FAM234B: variants seen among roughly 807,000 people sequenced by gnomAD.
FAM234B encodes the protein protein FAM234B.
Under a neutral mutation model 69.3 loss-of-function variants are expected in FAM234B, and 33 were observed. The observed-to-expected ratio is 0.48, with a 90% CI of 0.36 to 0.64. FAM234B has a LOEUF of 0.64. FAM234B is among the 30% of genes least tolerant of loss of function. The pLI is 0.00. For synonymous variants in FAM234B, 306 were observed against 306.9 expected, an observed-to-expected ratio of 1.00 and a Z score of 0.03; for missense variants, 697 against 769.7, an observed-to-expected ratio of 0.91 and a Z score of 1.12.
At chr12:13,057,501 G>C (rs1218777588) in intron 2 of FAM234B, among the ~76,000 whole-genome samples, 1 of 151,042 alleles carries the variant, frequency 6.6e-6, no homozygotes, top group Non-Finnish European at 1.5e-5. Flanking sequence ...GAACATTTTT[G>C]TATATGTTTC....
chr12:13,054,746 G>A (rs1395769247), intron 1 of FAM234B, among the ~76,000 whole-genome samples: 1 of 152,186 alleles, frequency 6.6e-6, no homozygotes, highest in African/African-American at 2.4e-5. Flanking sequence ...AGGGGTGGGT[G>A]GCTTGGGAGG....
Position 13,074,025 on chromosome 12 carries a change from A to G in FAM234B, c.1525-2001A>G, listed in dbSNP as rs61912800. On this transcript the variant is annotated intron_variant, in intron 10 of 12. Transcript: ENST00000197268. ...CCAAAATTCACCACAAATTTGATGC[A>G]TGTTCTTGCTTCACCTTTTTGGCAG... Among the ~76,000 whole-genome samples the G allele has an allele frequency of 7.5e-3, 1,144 of 152,318 alleles. 8 individuals carry two copies. Among genetic ancestry groups the G allele is most frequent in the Non-Finnish European group, 0.012 (809 of 68,014 alleles).
chr12:13,056,895 A>G (rs1207202745), intron 2 of FAM234B, among the ~76,000 whole-genome samples: 3 of 151,612 alleles, frequency 2.0e-5, no homozygotes, highest in Non-Finnish European at 4.4e-5. Context: ...CCATGTCAAT[A>G]TGTACCCCTA....
At chr12:13,062,059 C>T (rs908268636) in intron 4 of FAM234B, 7 of 243,416 alleles carry the variant, frequency 2.9e-5, no homozygotes, top group African/African-American at 8.9e-5. Context: ...GTACAAAAGA[C>T]GACTGAACTT....
Position 13,061,686 on chromosome 12 carries a change from T to A in FAM234B, c.644T>A (p.Met215Lys). Reference sequence around the variant, plus strand: ...CGAGATATCACATGTTTGGAGCTGATGCCAGGAAGCTTGGCTGAAACCATC... The same window carrying A: ...CGAGATATCACATGTTTGGAGCTGAAGCCAGGAAGCTTGGCTGAAACCATC... Reference protein sequence around the residue: ...EARDITCLELMPGSLAETICL... With the variant: ...EARDITCLELKPGSLAETICL... Residue 215 changes from methionine to lysine, a missense_variant, in exon 4 of 13, where the codon ATG becomes AAG. Physicochemically the swap from Met to Lys is moderately conservative, Grantham distance 95. Transcript: ENST00000197268. 1 of 1,614,168 alleles carries A rather than the reference T, an allele frequency of 6.2e-7. No individual in the cohort carries two copies. The highest frequency in any genetic ancestry group is 8.5e-7 in the Non-Finnish European group (1 of 1,180,026).
intron 1 of FAM234B, among the ~76,000 whole-genome samples, chr12:13,049,476 G>C (rs981386855): frequency 6.6e-6 from 1 of 152,142 alleles, no homozygotes; most frequent in Non-Finnish European, 1.5e-5. Flanking sequence ...CAGCACCCCT[G>C]GTCTGAGATA....
chr12:13,065,740 G>A (rs1865029273), intron 5 of FAM234B, among the ~76,000 whole-genome samples: 1 of 152,078 alleles, frequency 6.6e-6, no homozygotes, highest in South Asian at 2.1e-4. Context: ...TGTTTAATAG[G>A]AATGGGGCAA....
chr12:13,077,382 C>T (rs1417796384), intron 11 of FAM234B, among the ~76,000 whole-genome samples: 18 of 149,326 alleles, frequency 1.2e-4, no homozygotes, highest in Non-Finnish European at 2.4e-4. Flanking sequence ...AACTCGTCAT[C>T]TAGCATTAGG....
chr12:13,077,151 G>GA (rs1565512854), intron 11 of FAM234B, among the ~76,000 whole-genome samples: 1 of 152,110 alleles, frequency 6.6e-6, no homozygotes, highest in Non-Finnish European at 1.5e-5. Context: ...GATTAGATCT[G>GA]AGTGAGCTGT....
chr12:13,068,452 G>T lies in FAM234B; in HGVS notation c.1286+5G>T, dbSNP rs374186983. On this transcript the variant is annotated splice_donor_5th_base_variant and intron_variant, in intron 8 of 12. Coordinates refer to ENST00000197268, the MANE Select transcript of FAM234B (RefSeq NM_020853.2). ...GAGACTTCAAGGCCTGCGCAGGTTTGCATTGTGTTCCTTCTTGTGTTTGCT... is the reference window on the plus strand; with the variant it reads ...GAGACTTCAAGGCCTGCGCAGGTTTTCATTGTGTTCCTTCTTGTGTTTGCT... 2 of 1,613,606 alleles carry T rather than the reference G, an allele frequency of 1.2e-6. No homozygotes were observed. Among genetic ancestry groups the T allele is most frequent in the Non-Finnish European group, 1.7e-6 (2 of 1,179,828 alleles).
In FAM234B at chr12:13,062,762, C is replaced by T. The variant is rs201561149; in HGVS notation, c.722-83C>T. The T allele has an allele frequency of 5.1e-5, 77 of 1,497,292 alleles. No individual in the cohort carries two copies. The East Asian group carries it at 1.5e-3, about 30-fold the overall frequency. 92.8% of individuals were successfully genotyped at this position (1,497,292 alleles called of 1,614,324 possible). A position where few individuals can be genotyped will look rare whatever the true frequency, so the allele number is the denominator to read the frequency against. ...CTGTTGTTCAGCCCCTTGCGTCTTTCTTTTCTGGCCTGGGAACATGGCATC... is the reference window on the plus strand; with the variant it reads ...CTGTTGTTCAGCCCCTTGCGTCTTTTTTTTCTGGCCTGGGAACATGGCATC... On this transcript the variant is annotated intron_variant, in intron 4 of 12. Transcript: ENST00000197268.
Position 13,068,431 on chromosome 12 carries a change from C to T in FAM234B, c.1270C>T (p.Leu424Phe). 6.2e-7 allele frequency: 1 copy of T among 1,614,152 alleles called. No homozygotes were observed. Among genetic ancestry groups the T allele is most frequent in the Non-Finnish European group, 8.5e-7 (1 of 1,180,016 alleles). The change falls in exon 8 of 13, where the codon CTT becomes TTT. Residue 424 changes from leucine to phenylalanine, a missense_variant. This residue lies in a region of FAM234B where 313 missense variants were observed against 305.5 expected (regional missense o/e 1.02). Coordinates refer to ENST00000197268, the MANE Select transcript of FAM234B (RefSeq NM_020853.2). The stretch of plus-strand genomic sequence containing the variant: ...TCTGACACCTTACTGGGCATTGAGA[C>T]TTCAAGGCCTGCGCAGGTTTGCATT... ...QNLTPYWALR[L>F]QGLRSQPTPG... is the part of the protein sequence containing the mutation.
At chr12:13,075,427 TC>T (rs1865147777) in intron 10 of FAM234B, among the ~76,000 whole-genome samples, 1 of 115,862 alleles carries the variant, frequency 8.6e-6, no homozygotes, top group African/African-American at 4.0e-5. Context: ...CCTTTTCTTT[TC>T]TTTTCTTTTT....
intron 11 of FAM234B, among the ~76,000 whole-genome samples, chr12:13,078,551 A>G (rs1414356359): frequency 2.0e-5 from 3 of 152,234 alleles, no homozygotes; most frequent in African/African-American, 7.2e-5. Flanking sequence ...CAGTTAGGCA[A>G]GAGAAGGAAA....
intron 9 of FAM234B, among the ~76,000 whole-genome samples, chr12:13,070,162 AT>A (rs1408921020): frequency 1.0e-4 from 13 of 130,148 alleles, no homozygotes; most frequent in South Asian, 7.6e-4. Flanking sequence ...AACTATAATA[AT>A]TAAAAAAAGA....
At position 13,082,589 on chromosome 12, in the gene FAM234B, TG is replaced by T. The variant is rs1333326905; in HGVS notation, c.*1960del. On this transcript the variant is annotated 3_prime_UTR_variant, in exon 13 of 13. Coordinates refer to ENST00000197268, the MANE Select transcript of FAM234B (RefSeq NM_020853.2). ...ATAATTTCTGGGATTTGAATCTACT[TG>T]AGTTTAAGGGCCTGGGACCTAATTT... 1 of 152,204 alleles carries T rather than the reference TG, an allele frequency of 6.6e-6. No homozygotes were observed. The highest frequency in any genetic ancestry group is 6.5e-5 in the Admixed American group (1 of 15,270). 9.4% of individuals were successfully genotyped at this position (152,204 alleles called of 1,614,324 possible).
intron 10 of FAM234B, 143 bp from the exon 11 acceptor site, chr12:13,075,883 C>T (rs1344811309): frequency 6.9e-6 from 5 of 721,392 alleles, no homozygotes; most frequent in Non-Finnish European, 1.3e-5. Context: ...TTCTTTCAAA[C>T]ACATTCTTGT....
At position 13,044,547 on chromosome 12, in the gene FAM234B, C is replaced by A; in HGVS notation, c.37+107C>A. The stretch of plus-strand genomic sequence containing the variant: ...TCGGGCCCTGGCCTCAACCCAGACT[C>A]AGCTGCAGGCGCCCGGTGCCGAGGA... On this transcript the variant is annotated intron_variant, in intron 1 of 12. Coordinates refer to ENST00000197268, the MANE Select transcript of FAM234B (RefSeq NM_020853.2). This position sits in a 1 kb window ranked among gnomAD's most constrained non-coding sequence, Gnocchi z 5.6. 1 of 1,231,962 alleles carries A rather than the reference C, an allele frequency of 8.1e-7. No individual in the cohort carries two copies. The highest frequency in any genetic ancestry group is 1.4e-5 in the South Asian group (1 of 73,902). The allele number at this position is 1,231,962 out of a possible 1,614,324, so 76.3% of individuals were successfully genotyped here.
rs951819305 is a variant in FAM234B, at chr12:13,083,204, C to T, written c.*2574C>T. The T allele has an allele frequency of 6.6e-6, 1 of 152,494 alleles. No individual in the cohort carries two copies. Among genetic ancestry groups the T allele is most frequent in the Admixed American group, 6.6e-5 (1 of 15,266 alleles). 9.4% of individuals were successfully genotyped at this position (152,494 alleles called of 1,614,324 possible). ...GCCGGCAAAGCCAATATGACCACTA[C>T]TGAGAAATAGTAATGACTTCTACAA... is the stretch of plus-strand genomic sequence containing the variant. On this transcript the variant is annotated 3_prime_UTR_variant, in exon 13 of 13. Transcript: ENST00000197268.
Sources: gnomAD v4.1 joint callset for allele counts (sites outside exome capture counted in the v4.1 genomes callset) on GRCh38, gnomAD v4.1.1 for gene constraint, gnomAD v4.1.1 regional missense constraint, Gnocchi (gnomAD v3.1) non-coding constraint, MANE v1.5 for transcripts, NCBI Gene and HGNC (gene_info 2026-07-23, HGNC 2026-07-21) for gene names.